The following SNTG1 variants were observed in gnomAD, a reference collection of about 807,000 sequenced individuals.
The protein encoded by SNTG1 is gamma-1-syntrophin.
In SNTG1, 39 loss-of-function variants were observed where a neutral mutation model predicts 74.7. The ratio of observed to expected loss-of-function variants is 0.52; its 90% CI spans 0.40 to 0.68. SNTG1 has a LOEUF of 0.68. Ranked by LOEUF, SNTG1 falls within the 30% of genes least tolerant of loss-of-function variation. SNTG1 has a pLI of 0.00. For missense variants in SNTG1, 685 were observed against 609.5 expected, an observed-to-expected ratio of 1.12 and a Z score of -1.30; for synonymous variants, 254 against 217.1, an observed-to-expected ratio of 1.17 and a Z score of -1.49.
chr8:50,332,229 A>T (rs1398151238), intron 2 of SNTG1, among the ~76,000 whole-genome samples: 1 of 152,170 alleles, frequency 6.6e-6, no homozygotes, highest in East Asian at 1.9e-4. Context: ...TATGACATAC[A>T]TATTATTCCT....
chr8:50,092,691 T>A (rs1165718948), intron 1 of SNTG1, among the ~76,000 whole-genome samples: 1 of 152,176 alleles, frequency 6.6e-6, no homozygotes, highest in Non-Finnish European at 1.5e-5. Flanking sequence ...CTTTCACAGG[T>A]ATTTCCCTAA....
At chr8:50,253,328 CA>C (rs532371110) in intron 2 of SNTG1, among the ~76,000 whole-genome samples, 86 of 152,090 alleles carry the variant, frequency 5.7e-4, no homozygotes, top group Non-Finnish European at 9.7e-4. Context: ...GAGGCTGAGA[CA>C]GGGGAATCAT....
At chr8:50,649,541 C>A (rs1277226446) in intron 13 of SNTG1, among the ~76,000 whole-genome samples, 2 of 152,100 alleles carry the variant, frequency 1.3e-5, no homozygotes, top group Non-Finnish European at 2.9e-5. Context: ...TGTGTTGGAG[C>A]TTTTCCATTA....
chr8:50,747,469 G>A (rs1057387180), intron 17 of SNTG1, among the ~76,000 whole-genome samples: 2 of 151,846 alleles, frequency 1.3e-5, no homozygotes, highest in African/African-American at 4.8e-5. Flanking sequence ...TAAAAAATTG[G>A]CGTATAAAAA....
At chr8:50,709,210 A>T (rs550354554) in intron 17 of SNTG1, 2 of 529,684 alleles carry the variant, frequency 3.8e-6, no homozygotes, top group Non-Finnish European at 6.7e-6. Flanking sequence ...TTTATTTATA[A>T]GTCTATCTAT....
chr8:50,565,816 G>A (rs2094513534), intron 12 of SNTG1, among the ~76,000 whole-genome samples: 1 of 151,918 alleles, frequency 6.6e-6, no homozygotes, highest in Admixed American at 6.6e-5. Context: ...AGCTATCCAG[G>A]AGTATGAGGA....
chr8:50,018,411 A>G (rs1284606171), intron 1 of SNTG1, among the ~76,000 whole-genome samples: 2 of 152,048 alleles, frequency 1.3e-5, no homozygotes, highest in Non-Finnish European at 2.9e-5. Context: ...AATTCTTGTT[A>G]ACAAATGTTC....
At position 50,065,802 on chromosome 8, in the gene SNTG1, T is replaced by A. The variant is rs112846194; in HGVS notation, c.-102-106759T>A. On this transcript the variant is annotated intron_variant, in intron 1 of 18. Transcript: ENST00000642720. The stretch of plus-strand genomic sequence containing the variant: ...GAGTACATTTGATGAAGTATATACA[T>A]ACAACATAAATCCACTACCTTCCTA... Among the ~76,000 whole-genome samples, 12 of 152,304 alleles carry A rather than the reference T, an allele frequency of 7.9e-5. 1 individual carries two copies. Among genetic ancestry groups the A allele is most frequent in the African/African-American group, 2.6e-4 (11 of 41,568 alleles).
intron 15 of SNTG1, among the ~76,000 whole-genome samples, chr8:50,675,389 G>T (rs912753548): frequency 6.6e-6 from 1 of 151,994 alleles, no homozygotes; most frequent in Non-Finnish European, 1.5e-5. Context: ...TCTTCTTGTT[G>T]CATTGATCCC....
At chr8:50,411,763 C>T (rs2092952293) in intron 4 of SNTG1, among the ~76,000 whole-genome samples, 1 of 152,144 alleles carries the variant, frequency 6.6e-6, no homozygotes, top group African/African-American at 2.4e-5. Context: ...TTTCCCAGGG[C>T]TTATGCGGTT....
At chr8:50,109,285 C>G (rs2080492787) in intron 1 of SNTG1, among the ~76,000 whole-genome samples, 1 of 152,184 alleles carries the variant, frequency 6.6e-6, no homozygotes. Flanking sequence ...TTTAAATGTA[C>G]AAGGATACAA....
At chr8:50,558,625 ATGGC>A (rs1361795325) in intron 12 of SNTG1, among the ~76,000 whole-genome samples, 1 of 151,302 alleles carries the variant, frequency 6.6e-6, no homozygotes, top group Non-Finnish European at 1.5e-5. Flanking sequence ...GGTGGGAAAG[ATGGC>A]TGCAGTGTTT....
chr8:50,004,411 G>T (rs1389372484), intron 1 of SNTG1, among the ~76,000 whole-genome samples: 3 of 152,064 alleles, frequency 2.0e-5, no homozygotes, highest in African/African-American at 7.2e-5. Context: ...AGAGGACAAT[G>T]GTAAGTCCTA....
At chr8:49,938,005 T>C (rs1289463364) in intron 1 of SNTG1, among the ~76,000 whole-genome samples, 2 of 152,162 alleles carry the variant, frequency 1.3e-5, no homozygotes, top group Non-Finnish European at 2.9e-5. Flanking sequence ...AATTCGGCCT[T>C]GTCCTTATCT....
At chr8:50,362,333 A>C (rs917760460) in intron 2 of SNTG1, among the ~76,000 whole-genome samples, 2 of 152,218 alleles carry the variant, frequency 1.3e-5, no homozygotes, top group South Asian at 2.1e-4. Flanking sequence ...ACACAAAACA[A>C]AACAGTGAAA....
intron 4 of SNTG1, among the ~76,000 whole-genome samples, chr8:50,427,539 C>A (rs2093178697): frequency 6.6e-6 from 1 of 152,082 alleles, no homozygotes; most frequent in Admixed American, 6.6e-5. Flanking sequence ...AGCTGTCCTG[C>A]CTCAGCCTCC....
chr8:50,182,736 A>G (rs1175508164), intron 2 of SNTG1, among the ~76,000 whole-genome samples: 1 of 152,012 alleles, frequency 6.6e-6, no homozygotes, highest in Non-Finnish European at 1.5e-5. Flanking sequence ...CCACTACTGC[A>G]GTGGTCAAGT....
At chr8:50,421,450 A>C (rs10957909) in intron 4 of SNTG1, among the ~76,000 whole-genome samples, 139,856 of 152,076 alleles carry the variant, frequency 0.92, 64,933 homozygotes, top group Non-Finnish European at 1. Flanking sequence ...GCAGTGAGGA[A>C]CACCAGAGGC....
intron 2 of SNTG1, among the ~76,000 whole-genome samples, chr8:50,193,018 T>C (rs1411948277): frequency 2.0e-5 from 3 of 152,178 alleles, no homozygotes; most frequent in Non-Finnish European, 2.9e-5. Flanking sequence ...TGTGCCTTTT[T>C]TTATACCAGT....
Sources: gnomAD v4.1 joint callset for allele counts (sites outside exome capture counted in the v4.1 genomes callset) on GRCh38, gnomAD v4.1.1 for gene constraint, MANE v1.5 for transcripts, NCBI Gene and HGNC (gene_info 2026-07-23, HGNC 2026-07-21) for gene names.